The following EPHA10 variants were observed in gnomAD, a reference collection of about 807,000 sequenced individuals.
EPHA10 encodes the protein ephrin type-A receptor 10.
A neutral mutation model predicts 109.7 loss-of-function variants in EPHA10; 120 were observed. The ratio of observed to expected loss-of-function variants is 1.09; its 90% confidence interval spans 0.94 to 1.27. EPHA10 has a LOEUF of 1.27. Ranked by LOEUF, EPHA10 falls within the 50% of genes most tolerant of loss-of-function variation. The pLI is 0.00. For missense variants in EPHA10, 1,396 were observed against 1,411.1 expected, an observed-to-expected ratio of 0.99 and a Z score of 0.17; for synonymous variants, 640 against 618.9, an observed-to-expected ratio of 1.03 and a Z score of -0.51.
chr1:37,745,805 G>C (rs1230440296), intron 5 of EPHA10, among the ~76,000 whole-genome samples: 5 of 152,110 alleles, frequency 3.3e-5, no homozygotes, highest in Non-Finnish European at 7.3e-5. Context: ...AGCTGAGATC[G>C]CACCACTGCA....
At chr1:37,731,717 A>C in intron 6 of EPHA10, 135 bp from the exon 7 acceptor site, 11 of 904,318 alleles carry the variant, frequency 1.2e-5, no homozygotes, top group South Asian at 2.2e-5. Context: ...CCCAACCTCA[A>C]TCATCTTGGG....
At chr1:37,736,311 G>A (rs12029483) in intron 5 of EPHA10, among the ~76,000 whole-genome samples, 26,410 of 151,758 alleles carry the variant, frequency 0.17, 2,472 homozygotes, top group South Asian at 0.23. Flanking sequence ...CCCTGTCTCT[G>A]CTAAAGAAAT....
intron 8 of EPHA10, among the ~76,000 whole-genome samples, chr1:37,725,429 C>T (rs1310661970): frequency 5.0e-5 from 7 of 138,854 alleles, no homozygotes; most frequent in Non-Finnish European, 9.1e-5. Context: ...TCAGTTGAAC[C>T]GGGGAGGCAG....
Position 37,720,398 on chromosome 1 carries a change from A to G in EPHA10, c.2365T>C (p.Phe789Leu). Residue 789 changes from phenylalanine (F) to leucine (L), a missense_variant, in exon 13 of 17, where the codon TTC (phenylalanine) becomes CTC (leucine). By Grantham distance (22) the Phe-to-Leu change is conservative. Coordinates refer to ENST00000373048, the MANE Select transcript of EPHA10 (RefSeq NM_001099439.2). ...GATCGGTCCCGGGGGCCCCGCCCGA[A>G]GCCAGAGATCTTGCAGACAAGGTCG... ...SSDLVCKISG[F>L]GRGPRDRSEA... 1 of 1,613,244 alleles carries G rather than the reference A, an allele frequency of 6.2e-7. No individual in the cohort carries two copies. Among genetic ancestry groups the G allele is most frequent in the Non-Finnish European group, 8.5e-7 (1 of 1,179,988 alleles).
Position 37,735,397 on chromosome 1 carries a change from G to GT in EPHA10, c.1358-8dup. 1.3e-6 allele frequency: 2 copies of GT among 1,579,734 alleles called. No homozygotes were observed. The highest frequency in any genetic ancestry group is 1.7e-4 in the Middle Eastern group (1 of 5,912). On this transcript the variant is annotated splice_region_variant and splice_polypyrimidine_tract_variant and intron_variant, in intron 5 of 16. Coordinates refer to ENST00000373048, the MANE Select transcript of EPHA10 (RefSeq NM_001099439.2). Reference sequence around the variant, plus strand: ...TCATCCTCCTCCCAGGGCGCTGAAAGTAAGTTACGTGGGATTCTCCACCTT... The same window carrying GT: ...TCATCCTCCTCCCAGGGCGCTGAAAGTTAAGTTACGTGGGATTCTCCACCTT...
chr1:37,725,506 C>CAAAAAAAAA (rs536628850), intron 8 of EPHA10, among the ~76,000 whole-genome samples: 1 of 56,426 alleles, frequency 1.8e-5, no homozygotes, highest in African/African-American at 7.2e-5. Context: ...GGCTCCATCT[C>CAAAAAAAAA]AAAAAAAAAA....
At chr1:37,738,999 C>T (rs529463247) in intron 5 of EPHA10, among the ~76,000 whole-genome samples, 9 of 151,992 alleles carry the variant, frequency 5.9e-5, no homozygotes, top group African/African-American at 1.4e-4. Context: ...CGGGGCCTGT[C>T]GCGGGGTGGA....
chr1:37,744,861 A>G (rs1426914262), intron 5 of EPHA10, among the ~76,000 whole-genome samples: 2 of 152,216 alleles, frequency 1.3e-5, no homozygotes, highest in African/African-American at 2.4e-5. Context: ...TTATTTTTAC[A>G]GAGGTAATCA....
intron 9 of EPHA10, 71 bp downstream of exon 9, chr1:37,723,240 A>G (rs1645831077): frequency 6.2e-7 from 1 of 1,607,456 alleles, no homozygotes; most frequent in Non-Finnish European, 8.5e-7. Flanking sequence ...CATGCAGTGT[A>G]GCAAGGCAGA....
intron 5 of EPHA10, among the ~76,000 whole-genome samples, chr1:37,736,006 A>C (rs1480584272): frequency 6.6e-6 from 1 of 152,246 alleles, no homozygotes; most frequent in African/African-American, 2.4e-5. Context: ...CAGAGCAGTT[A>C]GGCAAGAAAA....
intron 4 of EPHA10, among the ~76,000 whole-genome samples, chr1:37,753,498 G>A (rs1211810019): frequency 6.6e-6 from 1 of 150,480 alleles, no homozygotes; most frequent in Admixed American, 6.6e-5. Flanking sequence ...GGATGAGCGG[G>A]AATGGGCCGT....
At chr1:37,727,247 AC>A in intron 7 of EPHA10, 37 bp from the exon 8 acceptor site, 1 of 1,544,202 alleles carries the variant, frequency 6.5e-7, no homozygotes, top group Non-Finnish European at 8.8e-7. Flanking sequence ...CAGGCAGAGG[AC>A]CAGGCTCCTA....
At position 37,752,914 on chromosome 1, in the gene EPHA10, G is replaced by A. The variant is rs1272615913; in HGVS notation, c.1319C>T (p.Thr440Ile). 1.5e-6 allele frequency: 2 copies of A among 1,312,636 alleles called. No individual in the cohort carries two copies. Among genetic ancestry groups the A allele is most frequent in the Non-Finnish European group, 9.7e-7 (1 of 1,033,804 alleles). 81.3% of individuals were successfully genotyped at this position (1,312,636 alleles called of 1,614,324 possible). A position where few individuals can be genotyped will look rare whatever the true frequency, so the allele number is the denominator to read the frequency against. ...GGAGACGGTGACCTGCGCGTAGGTG[G>A]TTCCCGCGGCGGCCGCCGGGCCCGA... ...GVSGPAAAAG[T>I]TYAQVTVSTG... is the part of the protein sequence containing the mutation. The change falls in exon 5 of 17, where the codon ACC (threonine) becomes ATC (isoleucine). Residue 440 changes from threonine (T) to isoleucine (I), a missense_variant. By Grantham distance (89) the Thr-to-Ile change is moderately conservative. Coordinates refer to ENST00000373048, the MANE Select transcript of EPHA10 (RefSeq NM_001099439.2).
At position 37,753,240 on chromosome 1, in the gene EPHA10, G is replaced by A. The variant is rs922413690; in HGVS notation, c.1007-14C>T. 10 of 1,298,024 alleles carry A rather than the reference G, an allele frequency of 7.7e-6. No homozygotes were observed. In the African/African-American group the frequency reaches 1.1e-4, roughly 14 times the overall value. 80.4% of individuals were successfully genotyped at this position (1,298,024 alleles called of 1,614,324 possible). On this transcript the variant is annotated splice_polypyrimidine_tract_variant and intron_variant, in intron 4 of 16. Transcript: ENST00000373048. ...CCGACGGCGGCCCTGAGGCGGCACAGGGGCGGGGCGGTCAGGGCGGGGCGT... is the reference window on the plus strand; with the variant it reads ...CCGACGGCGGCCCTGAGGCGGCACAAGGGCGGGGCGGTCAGGGCGGGGCGT...
At chr1:37,721,029 T>C (rs1380197374) in intron 11 of EPHA10, among the ~76,000 whole-genome samples, 185 bp from the exon 12 acceptor site, 5 of 151,892 alleles carry the variant, frequency 3.3e-5, no homozygotes, top group Admixed American at 6.6e-5. Flanking sequence ...GAGACATCTG[T>C]AGGTGAACAA....
chr1:37,735,583 G>C (rs369617499), intron 5 of EPHA10, among the ~76,000 whole-genome samples, 193 bp from the exon 6 acceptor site: 1 of 152,100 alleles, frequency 6.6e-6, no homozygotes, highest in Admixed American at 6.6e-5. Context: ...TGTGGGACCA[G>C]AGGAAAGAAG....
In EPHA10 at chr1:37,723,078, A is replaced by G. The variant is rs746750052; in HGVS notation, c.1923T>C (p.Asp641=). ...QAVHLFAKEL[D]AKSVTLERSL... ...TCCTCTCCAGCGTGACGCTTTTCGC[A>G]TCCAGTTCCTTGGCGAACAGATGCA... The change falls in exon 10 of 17, where the codon GAT becomes GAC. Residue 641 remains aspartate (D), a synonymous_variant. Transcript: ENST00000373048. The G allele has an allele frequency of 1.9e-6, 3 of 1,614,210 alleles. No individual in the cohort carries two copies. The Admixed American group carries it at 5.0e-5, about 27-fold the overall frequency.
intron 5 of EPHA10, among the ~76,000 whole-genome samples, chr1:37,742,717 GGCTCA>G (rs1358344209): frequency 8.8e-5 from 6 of 68,518 alleles, no homozygotes; most frequent in African/African-American, 8.9e-5. Context: ...CCAGCACTGT[GGCTCA>G]TGCCTATAAT....
chr1:37,721,582 C>A, intron 11 of EPHA10, 78 bp downstream of exon 11: 3 of 1,410,306 alleles, frequency 2.1e-6, no homozygotes, highest in Non-Finnish European at 2.8e-6. Context: ...GAGGCAGGGG[C>A]ACTCCAAACT....
Sources: gnomAD v4.1 joint callset for allele counts (sites outside exome capture counted in the v4.1 genomes callset) on GRCh38, gnomAD v4.1.1 for gene constraint, MANE v1.5 for transcripts, NCBI Gene and HGNC (gene_info 2026-07-23, HGNC 2026-07-21) for gene names.